APC: variants seen among roughly 807,000 people sequenced by gnomAD.
APC encodes APC regulator of Wnt signaling pathway.
A neutral mutation model predicts 247.0 loss-of-function variants in APC; 72 were observed. That is an observed-to-expected ratio of 0.29 (90% CI 0.24 to 0.35). APC has a LOEUF of 0.35. Among genes scored for constraint, APC ranks in the 10% least tolerant of loss-of-function variants. APC has a pLI of 1.00. For synonymous variants in APC, 1,254 were observed against 1,162.5 expected, an observed-to-expected ratio of 1.08 and a Z score of -1.60; for missense variants, 3,400 against 3,360.7, an observed-to-expected ratio of 1.01 and a Z score of -0.29.
chr5:112,838,413 C>G lies in APC; in HGVS notation c.2819C>G (p.Ser940Trp), dbSNP rs544709767. 3.1e-6 allele frequency: 5 copies of G among 1,614,086 alleles called. No individual in the cohort carries two copies. The highest frequency in any genetic ancestry group is 3.4e-6 in the Non-Finnish European group (4 of 1,180,024). Residue 940 changes from serine (S) to tryptophan (W), a missense_variant, in exon 16 of 16, where the codon TCG becomes TGG. Ser to Trp is a radical substitution (Grantham distance 177). Transcript: ENST00000257430. ...TCAAACACTTACAATTTCACTAAGT[C>G]GGAAAATTCAAATAGGACATGTTCT... ...THSNTYNFTK[S>W]ENSNRTCSMP...
intron 6 of APC, among the ~76,000 whole-genome samples, chr5:112,786,263 T>G (rs1329248963): frequency 6.6e-6 from 1 of 152,048 alleles, no homozygotes; most frequent in East Asian, 1.9e-4. Flanking sequence ...TAACCCATGT[T>G]TTTTAATGGA....
intron 1 of APC, among the ~76,000 whole-genome samples, chr5:112,726,066 C>T (rs1286228614): frequency 1.3e-5 from 2 of 152,240 alleles, no homozygotes; most frequent in South Asian, 2.1e-4. Context: ...AGCACACAGA[C>T]GGGCAGGTGC....
intron 6 of APC, among the ~76,000 whole-genome samples, chr5:112,787,551 T>G (rs1172701780): frequency 6.6e-6 from 1 of 152,252 alleles, no homozygotes. Context: ...CCTGAGCTAC[T>G]GAAGTTGAAT....
intron 8 of APC, among the ~76,000 whole-genome samples, chr5:112,813,973 T>G (rs76069385): frequency 0.011 from 1,650 of 152,252 alleles, 30 homozygotes; most frequent in African/African-American, 0.037. Context: ...TCGAATGATG[T>G]CCTGCATCTT....
At chr5:112,793,462 G>T (rs1384210028) in intron 7 of APC, among the ~76,000 whole-genome samples, 3 of 149,354 alleles carry the variant, frequency 2.0e-5, no homozygotes, top group Non-Finnish European at 3.0e-5. Context: ...TCAGAAGAAT[G>T]TGACTAACCC....
At position 112,838,139 on chromosome 5, in the gene APC, G is replaced by A. The variant is rs752193945; in HGVS notation, c.2545G>A (p.Asp849Asn). ...CTTAGATAGTTCTCGTTCTGAAAAAGATAGAAGTTTGGAGAGAGAACGCGG... is the reference window on the plus strand; with the variant it reads ...CTTAGATAGTTCTCGTTCTGAAAAAAATAGAAGTTTGGAGAGAGAACGCGG... ...GSLDSSRSEK[D>N]RSLERERGIG... is the part of the protein sequence containing the mutation. Residue 849 changes from aspartate (D) to asparagine (N), a missense_variant, in exon 16 of 16, where the codon GAT becomes AAT. Coordinates refer to ENST00000257430, the MANE Select transcript of APC (RefSeq NM_000038.6). 2.5e-6 allele frequency: 4 copies of A among 1,614,174 alleles called. No homozygotes were observed. Among genetic ancestry groups the A allele is most frequent in the South Asian group, 1.1e-5 (1 of 91,086 alleles).
chr5:112,726,334 G>T (rs895215152), intron 1 of APC, among the ~76,000 whole-genome samples: 61 of 152,206 alleles, frequency 4.0e-4, no homozygotes, highest in African/African-American at 1.5e-3. Flanking sequence ...TCAGTGAGAT[G>T]GATGGGGAGC....
chr5:112,827,944 A>G lies in APC; in HGVS notation c.1564A>G (p.Met522Val), dbSNP rs587781692. Residue 522 changes from methionine to valine, a missense_variant, in exon 13 of 16, where the codon ATG (methionine) becomes GTG (valine). Met to Val is a conservative substitution (Grantham distance 21). This residue lies in a region of APC where 184 missense variants were observed against 248.0 expected (regional missense o/e 0.74). Coordinates refer to ENST00000257430, the MANE Select transcript of APC (RefSeq NM_000038.6). ...TAATTTACAGGCTACGCTATGCTCT[A>G]TGAAAGGCTGCATGAGAGCACTTGT... is the stretch of plus-strand genomic sequence containing the variant. ...DVANKATLCS[M>V]KGCMRALVAQ... 2.5e-6 allele frequency: 4 copies of G among 1,613,038 alleles called. No individual in the cohort carries two copies. The highest frequency in any genetic ancestry group is 3.3e-5 in the Admixed American group (2 of 59,992).
At chr5:112,736,637 C>T (rs527500404), upstream of APC, among the ~76,000 whole-genome samples, 4 of 152,206 alleles carry the variant, frequency 2.6e-5, no homozygotes, top group Non-Finnish European at 5.9e-5. Context: ...AAGTTTAGGC[C>T]GGGCACAGTG....
At chr5:112,712,655 G>A (rs572020801) in intron 1 of APC, among the ~76,000 whole-genome samples, 2 of 151,474 alleles carry the variant, frequency 1.3e-5, no homozygotes, top group East Asian at 3.9e-4. Context: ...TTCTCAAAGT[G>A]CTGGGACTGC....
intron 1 of APC, among the ~76,000 whole-genome samples, chr5:112,732,027 G>A (rs1005923684): frequency 1.3e-5 from 2 of 152,218 alleles, no homozygotes; most frequent in Non-Finnish European, 2.9e-5. Flanking sequence ...CTCCCAAAGT[G>A]CTGGGGTTAC....
In APC at chr5:112,758,638, T is replaced by A. The variant is rs184372879; in HGVS notation, c.135+3613T>A. Among the ~76,000 whole-genome samples, 831 of 151,728 alleles carry A rather than the reference T, an allele frequency of 5.5e-3. 4 individuals are homozygous for A. The highest frequency in any genetic ancestry group is 8.7e-3 in the Non-Finnish European group (588 of 67,922). On this transcript the variant is annotated intron_variant, in intron 2 of 15. Coordinates refer to ENST00000257430, the MANE Select transcript of APC (RefSeq NM_000038.6). ...CACGCCTGGCCCCCTCCCCACAACT[T>A]TTTTTTAGATGGAGTTTCGTTCTTG...
intron 1 of APC, 67 bp downstream of exon 1, chr5:112,737,992 A>C (rs1261018574): frequency 3.2e-6 from 3 of 936,528 alleles, no homozygotes; most frequent in Non-Finnish European, 3.8e-6. Context: ...TTTCCCTCGC[A>C]CTGTCTTAAA....
At chr5:112,760,225 T>C (rs547197477) in intron 2 of APC, among the ~76,000 whole-genome samples, 1 of 152,222 alleles carries the variant, frequency 6.6e-6, no homozygotes, top group South Asian at 2.1e-4. Flanking sequence ...AATGAAATCG[T>C]TGGCAGCCTT....
At chr5:112,779,878 A>G (rs751063254) in intron 5 of APC, among the ~76,000 whole-genome samples, 2 of 152,210 alleles carry the variant, frequency 1.3e-5, no homozygotes, top group East Asian at 1.9e-4. Context: ...TACAACTGAC[A>G]ACACAATTTG....
chr5:112,792,918 G>A (rs1383198417), intron 7 of APC, among the ~76,000 whole-genome samples: 1 of 152,076 alleles, frequency 6.6e-6, no homozygotes, highest in African/African-American at 2.4e-5. Flanking sequence ...AGGATACAAT[G>A]AAAGAGGCAT....
intron 15 of APC, among the ~76,000 whole-genome samples, chr5:112,836,991 G>A (rs1466784359): frequency 6.6e-6 from 1 of 152,176 alleles, no homozygotes; most frequent in Non-Finnish European, 1.5e-5. Flanking sequence ...ATGAGCCACT[G>A]TGTCTGGCCA....
intron 4 of APC, among the ~76,000 whole-genome samples, chr5:112,768,828 A>G (rs1331180114): frequency 2.0e-5 from 3 of 151,380 alleles, no homozygotes; most frequent in African/African-American, 7.4e-5. Flanking sequence ...GTAGCGTAGA[A>G]CACAGTCCTG....
intron 14 of APC, among the ~76,000 whole-genome samples, chr5:112,833,819 A>G (rs1472443838): frequency 6.6e-6 from 1 of 152,200 alleles, no homozygotes; most frequent in East Asian, 1.9e-4. Context: ...TTAATTTTGA[A>G]TCAACCACTT....
Sources: allele counts gnomAD v4.1 joint callset (sites outside exome capture counted in the v4.1 genomes callset), GRCh38; gene constraint gnomAD v4.1.1; regional missense constraint gnomAD v4.1.1; transcripts MANE v1.5; gene names NCBI Gene and HGNC (gene_info 2026-07-23, HGNC 2026-07-21).